ALAS1: variants seen among roughly 807,000 people sequenced by gnomAD.
ALAS1 encodes 5-aminolevulinate synthase, non-specific, mitochondrial.
Under a neutral mutation model 59.6 loss-of-function variants are expected in ALAS1, and 29 were observed. That is an observed-to-expected ratio of 0.49 (90% CI 0.36 to 0.66). The LOEUF is 0.66. Ranked by LOEUF, ALAS1 falls within the 30% of genes least tolerant of loss-of-function variation. The pLI is 0.00. For synonymous variants in ALAS1, 299 were observed against 296.6 expected, an observed-to-expected ratio of 1.01 and a Z score of -0.08; for missense variants, 690 against 807.5, an observed-to-expected ratio of 0.85 and a Z score of 1.76.
intron 4 of ALAS1, among the ~76,000 whole-genome samples, chr3:52,203,587 T>C (rs1699234188): frequency 6.6e-6 from 1 of 150,912 alleles, no homozygotes; most frequent in Admixed American, 6.6e-5. Flanking sequence ...GGTGGGGATG[T>C]AGTGGAGTGA....
intron 5 of ALAS1, among the ~76,000 whole-genome samples, 156 bp from the exon 6 acceptor site, chr3:52,204,537 A>T (rs1341941827): frequency 6.6e-6 from 1 of 152,242 alleles, no homozygotes; most frequent in Non-Finnish European, 1.5e-5. Flanking sequence ...CACTGAGCCA[A>T]ACACGACATA....
chr3:52,211,369 T>C lies in ALAS1; in HGVS notation c.1417T>C (p.Phe473Leu). The change falls in exon 10 of 12, where the codon TTC (phenylalanine) becomes CTC (leucine). Residue 473 changes from phenylalanine (F) to leucine (L), a missense_variant. Physicochemically the swap from Phe to Leu is conservative, Grantham distance 22 (BLOSUM62 0). Transcript: ENST00000484952. ...ACGGTCCTATGCTGCTGGCTTCATCTTCACCACCTCTCTGCCACCCATGCT... is the reference window on the plus strand; with the variant it reads ...ACGGTCCTATGCTGCTGGCTTCATCCTCACCACCTCTCTGCCACCCATGCT... Reference protein sequence around the residue: ...TVRSYAAGFIFTTSLPPMLLA... With the variant: ...TVRSYAAGFILTTSLPPMLLA... 1.2e-6 allele frequency: 2 copies of C among 1,614,222 alleles called. No individual in the cohort carries two copies. The highest frequency in any genetic ancestry group is 1.1e-5 in the South Asian group (1 of 91,080).
In ALAS1 at chr3:52,206,700, G is replaced by A. The variant is rs746810999; in HGVS notation, c.1114G>A (p.Asp372Asn). Residue 372 changes from aspartate to asparagine, a missense_variant, in exon 8 of 12, where the codon GAC (aspartate) becomes AAC (asparagine). Transcript: ENST00000484952. ...CCTCAGAGAACTGCTGCAAAGATCT[G>A]ACCCCTCAGTCCCCAAGATTGTGGC... ...SHLRELLQRS[D>N]PSVPKIVAFE... The A allele has an allele frequency of 3.7e-6, 6 of 1,614,192 alleles. No individual in the cohort carries two copies. Among genetic ancestry groups the A allele is most frequent in the Admixed American group, 3.3e-5 (2 of 60,024 alleles).
chr3:52,213,971 C>T (rs1196451491), intron 11 of ALAS1, 49 bp from the exon 12 acceptor site: 1 of 1,526,038 alleles, frequency 6.6e-7, no homozygotes, highest in Non-Finnish European at 9.0e-7. Flanking sequence ...GTTTTCATTT[C>T]TCTTGTGTAT....
In ALAS1 at chr3:52,213,356, C is replaced by CACGT. The variant is rs1699451823; in HGVS notation, c.1763-663_1763-660dup. Among the ~76,000 whole-genome samples the CACGT allele has an allele frequency of 5.3e-5, 8 of 152,292 alleles. No individual in the cohort carries two copies. The South Asian group carries it at 1.7e-3, about 32-fold the overall frequency. On this transcript the variant is annotated intron_variant, in intron 11 of 11. Coordinates refer to ENST00000484952, the MANE Select transcript of ALAS1 (RefSeq NM_000688.6). ...GTTGGAAATGCTGGGTTTAAACTGT[C>CACGT]ACGTGGCAGTGTTGGAGCAGCTTCT...
intron 11 of ALAS1, among the ~76,000 whole-genome samples, chr3:52,213,622 A>G (rs1272618065): frequency 6.6e-6 from 1 of 152,002 alleles, no homozygotes; most frequent in Non-Finnish European, 1.5e-5. Context: ...GCCCCTACCC[A>G]TTAGGAGTCA....
intron 9 of ALAS1, among the ~76,000 whole-genome samples, chr3:52,210,577 C>T (rs1028671637): frequency 2.6e-5 from 4 of 152,032 alleles, no homozygotes; most frequent in Non-Finnish European, 5.9e-5. Context: ...AGTTTGAGAC[C>T]AGCCCTGGGC....
intron 9 of ALAS1, among the ~76,000 whole-genome samples, chr3:52,210,704 A>G (rs1251584455): frequency 6.6e-6 from 1 of 152,120 alleles, no homozygotes; most frequent in African/African-American, 2.4e-5. Context: ...ACTTGAGCCC[A>G]GGAGGTTGAG....
rs1399492518 is a variant in ALAS1 at position 52,198,379 on chromosome 3, G to A, written c.-210+124G>A. On this transcript the variant is annotated intron_variant, in intron 1 of 11. Transcript: ENST00000484952. ...CACTGTCCCAGTCACCCGCCGCCTT[G>A]AGGTCAGCGTTTATCCTCCAGATCT... is the stretch of plus-strand genomic sequence containing the variant. The A allele has an allele frequency of 5.7e-5, 24 of 422,414 alleles. No individual in the cohort carries two copies. The East Asian group carries it at 7.7e-4, about 13-fold the overall frequency. 26.2% of individuals were successfully genotyped at this position (422,414 alleles called of 1,614,324 possible).
chr3:52,214,279 A>G lies in ALAS1; in HGVS notation c.*99A>G. On this transcript the variant is annotated 3_prime_UTR_variant, in exon 12 of 12. Transcript: ENST00000484952. Reference sequence around the variant, plus strand: ...GTGAATTAAGTTATATTAAATTTTAATCTATAGTAAAAACATAGTCCTGGA... The same window carrying G: ...GTGAATTAAGTTATATTAAATTTTAGTCTATAGTAAAAACATAGTCCTGGA... 8.7e-7 allele frequency: 1 copy of G among 1,145,230 alleles called. No individual in the cohort carries two copies. Among genetic ancestry groups the G allele is most frequent in the Non-Finnish European group, 1.2e-6 (1 of 831,432 alleles). The allele number at this position is 1,145,230 out of a possible 1,614,324, so 70.9% of individuals were successfully genotyped here.
intron 9 of ALAS1, among the ~76,000 whole-genome samples, chr3:52,209,522 T>C (rs571702332): frequency 6.8e-4 from 104 of 152,320 alleles, no homozygotes; most frequent in Non-Finnish European, 1.4e-3. Context: ...CTCTTTTCTT[T>C]TAAGGATGTC....
rs758068550 is a variant in ALAS1 at position 52,214,160 on chromosome 3, T to G, written c.1903T>G (p.Leu635Val). 6.2e-7 allele frequency: 1 copy of G among 1,612,320 alleles called. No individual in the cohort carries two copies. The highest frequency in any genetic ancestry group is 2.2e-5 in the East Asian group (1 of 44,838). The change falls in exon 12 of 12, where the codon TTG becomes GTG. Residue 635 changes from leucine to valine, a missense_variant. Coordinates refer to ENST00000484952, the MANE Select transcript of ALAS1 (RefSeq NM_000688.6). ...EKSYFSGLSK[L>V]VSAQA Reference sequence around the variant, plus strand: ...GTCCTATTTCTCAGGCTTGAGCAAGTTGGTATCTGCTCAGGCCTGAGCATG... The same window carrying G: ...GTCCTATTTCTCAGGCTTGAGCAAGGTGGTATCTGCTCAGGCCTGAGCATG...
chr3:52,201,979 T>C (rs1699193893), intron 3 of ALAS1, among the ~76,000 whole-genome samples: 1 of 152,218 alleles, frequency 6.6e-6, no homozygotes. Context: ...AACTGGAATG[T>C]GCCAGTTAAC....
intron 3 of ALAS1, among the ~76,000 whole-genome samples, chr3:52,200,232 C>T (rs951191097): frequency 2.0e-5 from 3 of 152,024 alleles, no homozygotes; most frequent in Non-Finnish European, 4.4e-5. Flanking sequence ...TTCAGTGGTA[C>T]ATTCATATTG....
chr3:52,199,053 C>T (rs568005929), intron 2 of ALAS1, among the ~76,000 whole-genome samples, 157 bp from the exon 3 acceptor site: 63 of 152,326 alleles, frequency 4.1e-4, no homozygotes, highest in South Asian at 3.9e-3. Flanking sequence ...GTCACCATTC[C>T]TTAGCTCACA....
Position 52,214,192 on chromosome 3 carries a change from A to G in ALAS1, c.*12A>G, listed in dbSNP as rs995115922. The stretch of plus-strand genomic sequence containing the variant: ...CTGCTCAGGCCTGAGCATGACCTCA[A>G]TTATTTCACTTAACCCCAGGCCATT... On this transcript the variant is annotated 3_prime_UTR_variant, in exon 12 of 12. Coordinates refer to ENST00000484952, the MANE Select transcript of ALAS1 (RefSeq NM_000688.6). 1.3e-6 allele frequency: 2 copies of G among 1,575,662 alleles called. No homozygotes were observed. The highest frequency in any genetic ancestry group is 1.3e-5 in the African/African-American group (1 of 74,394).
rs571175682 is a variant in ALAS1, at chr3:52,214,269, T to G, written c.*89T>G. On this transcript the variant is annotated 3_prime_UTR_variant, in exon 12 of 12. Transcript: ENST00000484952. ...GTCTTTATATGTGAATTAAGTTATA[T>G]TAAATTTTAATCTATAGTAAAAACA... The G allele has an allele frequency of 8.2e-7, 1 of 1,226,404 alleles. No homozygotes were observed. The highest frequency in any genetic ancestry group is 2.4e-5 in the East Asian group (1 of 41,184). 76.0% of individuals were successfully genotyped at this position (1,226,404 alleles called of 1,614,324 possible).
chr3:52,198,354 C>T, intron 1 of ALAS1, 99 bp downstream of exon 1: 1 of 414,144 alleles, frequency 2.4e-6, no homozygotes, highest in Non-Finnish European at 4.3e-6. Flanking sequence ...CCCCATCCCC[C>T]ACTGTCCCAG....
At position 52,211,561 on chromosome 3, in the gene ALAS1, T is replaced by C. The variant is rs745625898; in HGVS notation, c.1599+10T>C. ...CATCATCCCTGTGCGGGTAATGGCC[T>C]GTCTCTGATTGGACTTGCCGTGGGG... On this transcript the variant is annotated intron_variant, in intron 10 of 11. Coordinates refer to ENST00000484952, the MANE Select transcript of ALAS1 (RefSeq NM_000688.6). 2 of 1,612,222 alleles carry C rather than the reference T, an allele frequency of 1.2e-6. No homozygotes were observed. The highest frequency in any genetic ancestry group is 1.7e-5 in the Admixed American group (1 of 59,986).
Sources: allele counts gnomAD v4.1 joint callset (sites outside exome capture counted in the v4.1 genomes callset), GRCh38; gene constraint gnomAD v4.1.1; transcripts MANE v1.5; gene names NCBI Gene and HGNC (gene_info 2026-07-23, HGNC 2026-07-21).